The following NCAM1 variants were observed in gnomAD, a reference collection of about 807,000 sequenced individuals.
NCAM1 encodes the protein antigen recognized by monoclonal antibody 5.1H11.
Under a neutral mutation model 109.8 loss-of-function variants are expected in NCAM1, and 14 were observed. That is an observed-to-expected ratio of 0.13 (90% confidence interval 0.08 to 0.20). The LOEUF (loss-of-function observed/expected upper bound fraction) is 0.20, where lower values mean the gene tolerates loss of function less well. Ranked by LOEUF, NCAM1 falls within the 10% of genes least tolerant of loss-of-function variation. The pLI, the probability that NCAM1 is intolerant of heterozygous loss-of-function variation, is 1.00. For synonymous variants in NCAM1, 418 were observed against 442.9 expected, an observed-to-expected ratio of 0.94 and a Z score of 0.70; for missense variants, 774 against 1,109.9, an observed-to-expected ratio of 0.70 and a Z score of 4.30.
chr11:113,192,204 C>T (rs1050852592), intron 1 of NCAM1, among the ~76,000 whole-genome samples: 4 of 152,136 alleles, frequency 2.6e-5, no homozygotes, highest in Non-Finnish European at 4.4e-5. Context: ...AAGAAAACAT[C>T]GTCTGGAGCC....
chr11:113,145,474 C>T lies in NCAM1; in HGVS notation c.53-56905C>T, dbSNP rs928053433. Among the ~76,000 whole-genome samples, 3 of 152,140 alleles carry T rather than the reference C, an allele frequency of 2.0e-5. No homozygotes were observed. In the East Asian group the frequency reaches 5.8e-4, roughly 29 times the overall value. ...CAGAATCTCCCACTCAATCTTTCAT[C>T]TTAGAAACTTTAAAATACTCTTATC... is the stretch of plus-strand genomic sequence containing the variant. On this transcript the variant is annotated intron_variant, in intron 1 of 19. Transcript: ENST00000316851.
intron 17 of NCAM1, among the ~76,000 whole-genome samples, chr11:113,262,288 C>G (rs1157896939): frequency 6.6e-6 from 1 of 152,218 alleles, no homozygotes; most frequent in Admixed American, 6.5e-5. Flanking sequence ...CATCCCCAAT[C>G]CCTAAGCACA....
intron 1 of NCAM1, among the ~76,000 whole-genome samples, chr11:113,142,038 G>C (rs528712318): frequency 6.6e-6 from 1 of 152,102 alleles, no homozygotes; most frequent in Non-Finnish European, 1.5e-5. Context: ...TAATTTTTCC[G>C]TCTGGGCTAG....
intron 1 of NCAM1, 140 bp downstream of exon 1, chr11:112,961,804 G>A (rs1190006270): frequency 2.3e-5 from 15 of 657,844 alleles, no homozygotes; most frequent in Non-Finnish European, 3.7e-5. Context: ...TGAAAGGAGC[G>A]CGTCGCCCTT....
At chr11:113,097,624 A>G (rs1325434519) in intron 1 of NCAM1, among the ~76,000 whole-genome samples, 1 of 127,764 alleles carries the variant, frequency 7.8e-6, no homozygotes, top group Non-Finnish European at 1.7e-5. Context: ...TTTTTTTTTT[A>G]ACTCTTTGTT....
chr11:113,185,084 A>AT (rs1565485449), intron 1 of NCAM1, among the ~76,000 whole-genome samples: 1 of 130,396 alleles, frequency 7.7e-6, no homozygotes. Context: ...ATATATAGAG[A>AT]GAGAGAGAGA....
rs565924466 is a variant in NCAM1 at position 112,962,400 on chromosome 11, G to A, written c.52+736G>A. Among the ~76,000 whole-genome samples the A allele has an allele frequency of 1.3e-5, 2 of 152,262 alleles. No individual in the cohort carries two copies. Among genetic ancestry groups the A allele is most frequent in the East Asian group, 1.9e-4 (1 of 5,130 alleles). ...GTTTTGACAGGAGGAAGTGCGGAGG[G>A]GCGGAGGGCGAGGAGGGCGTGATTG... On this transcript the variant is annotated intron_variant, in intron 1 of 19. Coordinates refer to ENST00000316851, the MANE Select transcript of NCAM1 (RefSeq NM_181351.5). This position sits in a 1 kb window ranked among gnomAD's most constrained non-coding sequence, Gnocchi z 5.6.
At chr11:113,016,777 C>G (rs556532466) in intron 1 of NCAM1, among the ~76,000 whole-genome samples, 85 of 152,270 alleles carry the variant, frequency 5.6e-4, no homozygotes, top group African/African-American at 1.9e-3. Flanking sequence ...GAGGTGTGCT[C>G]TCACAGTCAG....
At chr11:113,252,937 C>T (rs1945728886) in intron 15 of NCAM1, among the ~76,000 whole-genome samples, 1 of 150,204 alleles carries the variant, frequency 6.7e-6, no homozygotes, top group African/African-American at 2.4e-5. Context: ...AGGTGTGAGC[C>T]ACTGTGACCA....
chr11:113,145,315 T>C (rs1045141892), intron 1 of NCAM1, among the ~76,000 whole-genome samples: 3 of 152,192 alleles, frequency 2.0e-5, no homozygotes, highest in African/African-American at 7.2e-5. Flanking sequence ...TTTCCCTAAA[T>C]ATAAAAAGCA....
At chr11:113,250,211 A>G (rs547140868) in intron 15 of NCAM1, among the ~76,000 whole-genome samples, 2 of 152,230 alleles carry the variant, frequency 1.3e-5, no homozygotes, top group Non-Finnish European at 2.9e-5. Context: ...GTTCTTCGGG[A>G]CTGTCCGAAA....
chr11:113,236,209 T>C, intron 14 of NCAM1: 1 of 1,283,360 alleles, frequency 7.8e-7, no homozygotes, highest in Admixed American at 1.8e-5. Flanking sequence ...GCTCTGCGGA[T>C]TCTATTCATT....
intron 15 of NCAM1, among the ~76,000 whole-genome samples, chr11:113,253,711 G>A (rs1174111892): frequency 3.3e-5 from 5 of 152,190 alleles, no homozygotes; most frequent in Non-Finnish European, 5.9e-5. Context: ...CACAGTCCTC[G>A]ACTAGTGGGC....
At chr11:113,072,403 T>A (rs879989729) in intron 1 of NCAM1, among the ~76,000 whole-genome samples, 1 of 152,146 alleles carries the variant, frequency 6.6e-6, no homozygotes, top group Non-Finnish European at 1.5e-5. Context: ...TATTTTCAGT[T>A]GCCTAGGGAT....
intron 1 of NCAM1, among the ~76,000 whole-genome samples, chr11:113,017,635 T>TTTTGTGTGTGTGTGTGTGTGTGTGTG (rs1555075494): frequency 6.9e-6 from 1 of 145,178 alleles, no homozygotes; most frequent in Admixed American, 7.0e-5. Context: ...CAGTACTGTT[T>TTTTGTGTGTGTGTGTGTGTGTGTGTG]TGTGTGTGTG....
At chr11:113,103,067 A>C (rs1555091817) in intron 1 of NCAM1, among the ~76,000 whole-genome samples, 2 of 152,240 alleles carry the variant, frequency 1.3e-5, no homozygotes, top group Non-Finnish European at 2.9e-5. Context: ...GTGTTAAGGA[A>C]ACATGAGTAG....
At chr11:113,156,937 C>T (rs907724773) in intron 1 of NCAM1, among the ~76,000 whole-genome samples, 1 of 152,028 alleles carries the variant, frequency 6.6e-6, no homozygotes, top group Non-Finnish European at 1.5e-5. Flanking sequence ...AAAAGGTACT[C>T]GTTAGACCTG....
At chr11:112,972,664 A>G (rs1472542270) in intron 1 of NCAM1, among the ~76,000 whole-genome samples, 2 of 152,178 alleles carry the variant, frequency 1.3e-5, no homozygotes, top group Non-Finnish European at 2.9e-5. Flanking sequence ...ATAGTGCAGT[A>G]AAAACAAGGG....
intron 1 of NCAM1, among the ~76,000 whole-genome samples, chr11:113,069,876 G>A (rs571175285): frequency 6.6e-6 from 1 of 152,310 alleles, no homozygotes; most frequent in African/African-American, 2.4e-5. Flanking sequence ...CTGAGACCTG[G>A]AATGCAGTGG....
Sources: allele counts gnomAD v4.1 joint callset (sites outside exome capture counted in the v4.1 genomes callset), GRCh38; gene constraint gnomAD v4.1.1; non-coding constraint Gnocchi (gnomAD v3.1); transcripts MANE v1.5; gene names NCBI Gene and HGNC (gene_info 2026-07-23, HGNC 2026-07-21).